The following MORC4 variants were observed in gnomAD, a reference collection of about 807,000 sequenced individuals.
MORC4 encodes MORC family CW-type zinc finger 4, also known as MORC family CW-type zinc finger protein 4.
A neutral mutation model predicts 65.5 loss-of-function variants in MORC4; 22 were observed. The ratio of observed to expected loss-of-function variants is 0.34; its 90% CI spans 0.24 to 0.48. The LOEUF (loss-of-function observed/expected upper bound fraction) is 0.48, where lower values mean the gene tolerates loss of function less well. Among genes scored for constraint, MORC4 ranks in the 20% least tolerant of loss-of-function variants. The pLI, the probability that MORC4 is intolerant of heterozygous loss-of-function variation, is 0.99. For missense variants in MORC4, 624 were observed against 703.0 expected (o/e 0.89, Z 1.27); for synonymous variants, 267 against 255.8 (o/e 1.04, Z -0.42).
At chrX:106,958,155 C>G (rs1851417899) in intron 11 of MORC4, among the ~76,000 whole-genome samples, 181 bp downstream of exon 11, 1 of 111,616 alleles carries the variant, frequency 9.0e-6, no homozygotes, top group Non-Finnish European at 1.9e-5. Context: ...AGCCCTGGCT[C>G]AAGTACAAAG....
intron 2 of MORC4, among the ~76,000 whole-genome samples, chrX:106,996,878 T>C (rs1300881967): frequency 8.9e-6 from 1 of 112,182 alleles, no homozygotes; most frequent in Non-Finnish European, 1.9e-5. Context: ...TGAGAAACTA[T>C]TCCATGACAG....
chrX:106,969,947 A>G (rs1380805837), intron 9 of MORC4, among the ~76,000 whole-genome samples: 3 of 112,035 alleles, frequency 2.7e-5, no homozygotes, highest in Non-Finnish European at 5.6e-5. Flanking sequence ...AATCAATAGA[A>G]AAAGAGGGAA....
chrX:106,945,530 T>C lies in MORC4; in HGVS notation c.1686-2325A>G, dbSNP rs375806879. ...AGGGAGCTTAATTAACCATGCTAGATGGGGAGGAGGGAACAAAACTTTCAC... is the reference window on the plus strand; with the variant it reads ...AGGGAGCTTAATTAACCATGCTAGACGGGGAGGAGGGAACAAAACTTTCAC... On this transcript the variant is annotated intron_variant, in intron 14 of 16. Transcript: ENST00000355610. Among the ~76,000 whole-genome samples, 15 of 106,619 alleles carry C rather than the reference T, an allele frequency of 1.4e-4. 1 individual carries two copies. Among genetic ancestry groups the C allele is most frequent in the East Asian group, 1.2e-3 (4 of 3,396 alleles). The allele number at this position is 106,619 out of a possible 115,157, so 92.6% of individuals were successfully genotyped here. A position where few individuals can be genotyped will look rare whatever the true frequency, so the allele number is the denominator to read the frequency against.
intron 14 of MORC4, among the ~76,000 whole-genome samples, chrX:106,948,175 G>A (rs1358151835): frequency 1.8e-5 from 2 of 111,137 alleles, no homozygotes; most frequent in Admixed American, 9.6e-5. Flanking sequence ...CATCTTCCAA[G>A]GAAGCCAAGA....
At chrX:106,950,906 C>T (rs1446634545) in intron 14 of MORC4, among the ~76,000 whole-genome samples, 2 of 112,287 alleles carry the variant, frequency 1.8e-5, no homozygotes, top group African/African-American at 6.5e-5. Flanking sequence ...TCAAATGCCA[C>T]TGACTCTTGC....
intron 7 of MORC4, among the ~76,000 whole-genome samples, chrX:106,979,530 T>C (rs1370981694): frequency 1.8e-5 from 2 of 111,063 alleles, no homozygotes; most frequent in Non-Finnish European, 3.8e-5. Context: ...CCTTTGATAA[T>C]TGAGAAGTAA....
intron 9 of MORC4, among the ~76,000 whole-genome samples, chrX:106,966,686 C>G (rs974391445): frequency 2.7e-5 from 3 of 113,059 alleles, no homozygotes; most frequent in African/African-American, 9.6e-5. Flanking sequence ...TCACTGCTAG[C>G]GCAGCAGTCT....
At chrX:106,958,063 T>G (rs147903033) in intron 11 of MORC4, among the ~76,000 whole-genome samples, 1,559 of 111,945 alleles carry the variant, frequency 0.014, 31 homozygotes, top group African/African-American at 0.048. Flanking sequence ...ATGCAGAAAG[T>G]CATTGCAAGC....
chrX:106,960,590 T>C (rs1222381159), intron 10 of MORC4, among the ~76,000 whole-genome samples: 1 of 111,858 alleles, frequency 8.9e-6, no homozygotes, highest in African/African-American at 3.3e-5. Context: ...GTTGTGATGA[T>C]TAAATAAACC....
In MORC4 at chrX:106,978,054, A is replaced by T. The variant is rs368370429; in HGVS notation, c.1056+26T>A. On this transcript the variant is annotated intron_variant, in intron 8 of 16. Coordinates refer to ENST00000355610, the MANE Select transcript of MORC4 (RefSeq NM_024657.5). ...CTCTTCCTACTCTTTTCAGCCTCCT[A>T]TGACAAAGAAATATTAACTACTCAC... 17 of 1,204,690 alleles carry T rather than the reference A, an allele frequency of 1.4e-5. No homozygotes were observed. The African/African-American group carries it at 3.0e-4, about 21-fold the overall frequency.
chrX:106,947,532 T>G (rs1489308446), intron 14 of MORC4, among the ~76,000 whole-genome samples: 1 of 86,637 alleles, frequency 1.2e-5, no homozygotes, highest in African/African-American at 4.5e-5. Flanking sequence ...TGTAGTTAGG[T>G]ATATATATAT....
At chrX:106,949,168 C>G (rs1220453635) in intron 14 of MORC4, among the ~76,000 whole-genome samples, 6 of 111,652 alleles carry the variant, frequency 5.4e-5, no homozygotes, top group Non-Finnish European at 1.9e-5. Context: ...TCTTCCAACT[C>G]TAATGTGCTG....
At chrX:106,955,282 C>G (rs1178621285) in intron 13 of MORC4, among the ~76,000 whole-genome samples, 194 bp from the exon 14 acceptor site, 2 of 110,991 alleles carry the variant, frequency 1.8e-5, no homozygotes, top group African/African-American at 6.6e-5. Flanking sequence ...ACCTTATCAG[C>G]AGGACACCAA....
intron 14 of MORC4, among the ~76,000 whole-genome samples, chrX:106,953,660 T>C (rs953343659): frequency 8.4e-5 from 9 of 107,414 alleles, no homozygotes; most frequent in Admixed American, 4.0e-4. Context: ...TGGTTTTTTG[T>C]TTTTTTTTTA....
chrX:106,999,293 G>T (rs1376616524), intron 2 of MORC4, among the ~76,000 whole-genome samples: 1 of 111,073 alleles, frequency 9.0e-6, no homozygotes, highest in Non-Finnish European at 1.9e-5. Flanking sequence ...GGTCCTCTAC[G>T]CCCCTTTGCT....
chrX:106,955,251 C>A (rs1934080621), intron 13 of MORC4, among the ~76,000 whole-genome samples, 163 bp from the exon 14 acceptor site: 1 of 111,354 alleles, frequency 9.0e-6, no homozygotes, highest in African/African-American at 3.3e-5. Context: ...GAACACTGAA[C>A]CCAGGCATAC....
chrX:106,983,498 T>C (rs897817684), intron 5 of MORC4, among the ~76,000 whole-genome samples: 2 of 112,026 alleles, frequency 1.8e-5, no homozygotes, highest in Non-Finnish European at 3.8e-5. Flanking sequence ...ATTAAACATA[T>C]CAGTAATACC....
intron 14 of MORC4, among the ~76,000 whole-genome samples, chrX:106,951,336 C>T (rs1387429910): frequency 8.9e-6 from 1 of 111,890 alleles, no homozygotes; most frequent in Non-Finnish European, 1.9e-5. Context: ...AAATTACAGC[C>T]ACTAATTCTT....
Position 106,981,406 on chromosome X carries a change from G to C in MORC4, c.746C>G (p.Thr249Arg). Reference sequence around the variant, plus strand: ...AACACCGCCAGTCATTTTTTCTTCTGTGTCAAAGTCTGATACCAGGATGTC... The same window carrying C: ...AACACCGCCAGTCATTTTTTCTTCTCTGTCAAAGTCTGATACCAGGATGTC... The part of the protein sequence containing the change: ...QYDILVSDFD[T>R]EEKMTGGVTS... The change falls in exon 6 of 17, where the codon ACA becomes AGA. Residue 249 changes from threonine (T) to arginine (R), a missense_variant. Physicochemically the swap from Thr to Arg is moderately conservative, Grantham distance 71. Coordinates refer to ENST00000355610, the MANE Select transcript of MORC4 (RefSeq NM_024657.5). 1 of 1,203,068 alleles carries C rather than the reference G, an allele frequency of 8.3e-7. No individual in the cohort carries two copies. The highest frequency in any genetic ancestry group is 3.0e-5 in the East Asian group (1 of 33,739).
Sources: gnomAD v4.1 joint callset for allele counts (sites outside exome capture counted in the v4.1 genomes callset) on GRCh38, gnomAD v4.1.1 for gene constraint, MANE v1.5 for transcripts, NCBI Gene and HGNC (gene_info 2026-07-23, HGNC 2026-07-21) for gene names.